The following RALGPS2 variants were observed in gnomAD, a reference collection of about 807,000 sequenced individuals.
RALGPS2 encodes ras-specific guanine nucleotide-releasing factor RalGPS2.
A neutral mutation model predicts 86.8 loss-of-function variants in RALGPS2; 43 were observed. The observed-to-expected ratio is 0.50, with a 90% CI of 0.39 to 0.64. RALGPS2 has a LOEUF of 0.64. Ranked by LOEUF, RALGPS2 falls within the 30% of genes least tolerant of loss-of-function variation. The pLI, the probability that RALGPS2 is intolerant of heterozygous loss-of-function variation, is 0.00. For missense variants in RALGPS2, 536 were observed against 694.6 expected (o/e 0.77, Z 2.57); for synonymous variants, 243 against 231.3 (o/e 1.05, Z -0.46).
At position 178,811,419 on chromosome 1, in the gene RALGPS2, T is replaced by TA. The variant is rs1654969094; in HGVS notation, c.387+15_387+16insA. 1.3e-6 allele frequency: 2 copies of TA among 1,485,286 alleles called. No individual in the cohort carries two copies. The highest frequency in any genetic ancestry group is 2.6e-5 in the South Asian group (2 of 76,942). The allele number at this position is 1,485,286 out of a possible 1,614,324, so 92.0% of individuals were successfully genotyped here. On this transcript the variant is annotated intron_variant, in intron 6 of 19. Coordinates refer to ENST00000367635, the MANE Select transcript of RALGPS2 (RefSeq NM_152663.5). ...AAACTGCTAAGGTAAGAAAAACTTGTGTTTTTATTTTTGAGTTCAACCATT... is the reference window on the plus strand; with the variant it reads ...AAACTGCTAAGGTAAGAAAAACTTGTAGTTTTTATTTTTGAGTTCAACCATT...
intron 7 of RALGPS2, among the ~76,000 whole-genome samples, chr1:178,827,459 A>C (rs1572373046): frequency 7.6e-6 from 1 of 130,912 alleles, no homozygotes; most frequent in African/African-American, 3.1e-5. Flanking sequence ...CAGTGGCGGG[A>C]TCTCGGCTCA....
intron 5 of RALGPS2, 147 bp from the exon 6 acceptor site, chr1:178,811,168 A>G: frequency 2.0e-6 from 1 of 511,564 alleles, no homozygotes; most frequent in Non-Finnish European, 3.4e-6. Flanking sequence ...AGAATTACAC[A>G]GCCACAGAAA....
intron 8 of RALGPS2, among the ~76,000 whole-genome samples, chr1:178,834,894 C>T (rs1656198126): frequency 6.6e-6 from 1 of 152,212 alleles, no homozygotes; most frequent in Non-Finnish European, 1.5e-5. Context: ...TCTCCTGCTT[C>T]AGCCTCCCAA....
At chr1:178,819,208 T>G (rs7554100) in intron 6 of RALGPS2, among the ~76,000 whole-genome samples, 71,029 of 151,824 alleles carry the variant, frequency 0.47, 18,018 homozygotes, top group African/African-American at 0.66. Context: ...GCCCAGGCTG[T>G]TCATGAACTC....
intron 8 of RALGPS2, among the ~76,000 whole-genome samples, chr1:178,877,105 T>G (rs917189690): frequency 2.0e-5 from 3 of 152,132 alleles, no homozygotes; most frequent in African/African-American, 7.2e-5. Flanking sequence ...TTGCATAGGT[T>G]TTAAGTCTGA....
chr1:178,881,099 C>T (rs1659227107), intron 10 of RALGPS2, among the ~76,000 whole-genome samples: 1 of 152,066 alleles, frequency 6.6e-6, no homozygotes, highest in African/African-American at 2.4e-5. Context: ...TGTTCTTGCC[C>T]TCAAGAAGCT....
At chr1:178,807,446 G>A (rs1371230505) in intron 4 of RALGPS2, among the ~76,000 whole-genome samples, 1 of 152,170 alleles carries the variant, frequency 6.6e-6, no homozygotes, top group African/African-American at 2.4e-5. Context: ...ATTTTGATTG[G>A]TAACTACATC....
At chr1:178,772,168 C>T (rs1417731503) in intron 1 of RALGPS2, among the ~76,000 whole-genome samples, 1 of 152,170 alleles carries the variant, frequency 6.6e-6, no homozygotes, top group East Asian at 1.9e-4. Flanking sequence ...AATATTTAAA[C>T]CTATTTCTGA....
chr1:178,890,292 A>G (rs1659666232), intron 14 of RALGPS2, among the ~76,000 whole-genome samples: 1 of 151,964 alleles, frequency 6.6e-6, no homozygotes, highest in Non-Finnish European at 1.5e-5. Flanking sequence ...CTAAGTACAT[A>G]TAAGATCTGA....
intron 1 of RALGPS2, among the ~76,000 whole-genome samples, chr1:178,770,418 C>G (rs1652736903): frequency 6.6e-6 from 1 of 151,906 alleles, no homozygotes; most frequent in Non-Finnish European, 1.5e-5. Context: ...AAAGATGCCA[C>G]ATTATCTTTA....
At chr1:178,808,599 A>G (rs1480711584) in intron 5 of RALGPS2, among the ~76,000 whole-genome samples, 2 of 152,114 alleles carry the variant, frequency 1.3e-5, no homozygotes, top group Non-Finnish European at 2.9e-5. Context: ...TCAAAGATAT[A>G]TAGTGAATTT....
At chr1:178,752,586 C>G (rs1301435571) in intron 1 of RALGPS2, among the ~76,000 whole-genome samples, 1 of 152,154 alleles carries the variant, frequency 6.6e-6, no homozygotes, top group Non-Finnish European at 1.5e-5. Context: ...TAAAATGTAA[C>G]ATTTCGTGAT....
intron 8 of RALGPS2, among the ~76,000 whole-genome samples, chr1:178,862,593 T>TTTTTTTTATTTA (rs781776762): frequency 1.4e-5 from 2 of 140,756 alleles, no homozygotes; most frequent in South Asian, 2.3e-4. Context: ...GTTGCATTTT[T>TTTTTTTTATTTA]TTTATTTATT....
At chr1:178,746,052 C>G (rs1221776142) in intron 1 of RALGPS2, among the ~76,000 whole-genome samples, 1 of 151,874 alleles carries the variant, frequency 6.6e-6, no homozygotes, top group Admixed American at 6.6e-5. Flanking sequence ...GACCTCCTGA[C>G]CTCAGGTGAT....
intron 6 of RALGPS2, among the ~76,000 whole-genome samples, chr1:178,820,152 G>A (rs1053267297): frequency 3.3e-5 from 5 of 152,122 alleles, no homozygotes; most frequent in African/African-American, 1.2e-4. Context: ...TCTGTCATTA[G>A]CCTCACATCA....
intron 15 of RALGPS2, among the ~76,000 whole-genome samples, chr1:178,893,096 T>C (rs1269360880): frequency 6.6e-6 from 1 of 152,106 alleles, no homozygotes; most frequent in Non-Finnish European, 1.5e-5. Flanking sequence ...ATTGCTCTTA[T>C]AGGAATTCTG....
intron 18 of RALGPS2, among the ~76,000 whole-genome samples, chr1:178,903,284 A>G (rs553273558): frequency 1.3e-5 from 2 of 152,304 alleles, no homozygotes; most frequent in East Asian, 3.9e-4. Context: ...GAGGCAGGAA[A>G]AAATAATACC....
chr1:178,843,542 T>C (rs1156466783), intron 8 of RALGPS2, among the ~76,000 whole-genome samples: 3 of 145,642 alleles, frequency 2.1e-5, no homozygotes, highest in Non-Finnish European at 3.0e-5. Flanking sequence ...TTGGGAGATA[T>C]ACCTAATGCT....
intron 8 of RALGPS2, among the ~76,000 whole-genome samples, chr1:178,867,370 C>A (rs1243533918): frequency 6.6e-6 from 1 of 152,064 alleles, no homozygotes; most frequent in Admixed American, 6.6e-5. Context: ...TGAATCCAGG[C>A]TGAAGACTTC....
Sources: allele counts gnomAD v4.1 joint callset (sites outside exome capture counted in the v4.1 genomes callset), GRCh38; gene constraint gnomAD v4.1.1; transcripts MANE v1.5; gene names NCBI Gene and HGNC (gene_info 2026-07-23, HGNC 2026-07-21).